The following SLC1A2 variants were observed in gnomAD, a reference collection of about 807,000 sequenced individuals.
SLC1A2 encodes the protein solute carrier family 1 member 2.
A neutral mutation model predicts 48.8 loss-of-function variants in SLC1A2; 15 were observed. That is an observed-to-expected ratio of 0.31 (90% CI 0.21 to 0.47). SLC1A2 has a LOEUF of 0.47. Among genes scored for constraint, SLC1A2 ranks in the 20% least tolerant of loss-of-function variants. SLC1A2 has a pLI of 0.99. For synonymous variants in SLC1A2, 279 were observed against 272.6 expected (o/e 1.02, Z -0.23); for missense variants, 502 against 730.5 (o/e 0.69, Z 3.61).
intron 1 of SLC1A2, among the ~76,000 whole-genome samples, chr11:35,374,897 G>A (rs141745230): frequency 1.6e-4 from 25 of 152,162 alleles, no homozygotes; most frequent in African/African-American, 5.8e-4. Flanking sequence ...TATATAAATC[G>A]TACATGTGTA....
In SLC1A2 at chr11:35,360,921, G is replaced by A. The variant is rs530616745; in HGVS notation, c.18-43405C>T. ...GAAAGAGTCTCATTCTGTTGCCCAC[G>A]CTGGAGTACAGTGGTGCAATCTCGG... On this transcript the variant is annotated intron_variant, in intron 1 of 10. Coordinates refer to ENST00000278379, the MANE Select transcript of SLC1A2 (RefSeq NM_004171.4). Among the ~76,000 whole-genome samples the A allele has an allele frequency of 6.6e-5, 10 of 151,422 alleles. 1 individual carries two copies. The South Asian group carries it at 1.3e-3, about 19-fold the overall frequency.
In SLC1A2 at chr11:35,418,931, C is replaced by A; in HGVS notation, c.17+19G>T. 1 of 1,558,864 alleles carries A rather than the reference C, an allele frequency of 6.4e-7. No individual in the cohort carries two copies. ...GCGTGACCCCGCTTTCCCGCGGGTA[C>A]AGATAAAAATCCCCTCACCCTTCCG... On this transcript the variant is annotated intron_variant, in intron 1 of 10. Transcript: ENST00000278379.
intron 1 of SLC1A2, among the ~76,000 whole-genome samples, chr11:35,366,103 T>C (rs1388944518): frequency 6.6e-6 from 1 of 152,236 alleles, no homozygotes; most frequent in African/African-American, 2.4e-5. Flanking sequence ...TTACATGTAC[T>C]GTGTCAACTA....
At chr11:35,269,968 G>T (rs549184977) in intron 9 of SLC1A2, among the ~76,000 whole-genome samples, 2 of 152,020 alleles carry the variant, frequency 1.3e-5, no homozygotes, top group Admixed American at 6.6e-5. Context: ...TTAGCCAGGC[G>T]TGGTGGTGCA....
intron 1 of SLC1A2, among the ~76,000 whole-genome samples, chr11:35,326,959 C>T (rs1408381543): frequency 2.0e-5 from 3 of 152,092 alleles, no homozygotes; most frequent in African/African-American, 7.2e-5. Flanking sequence ...TGGAGGAACC[C>T]CTTAATATAG....
At chr11:35,363,597 C>A (rs1853752415) in intron 1 of SLC1A2, among the ~76,000 whole-genome samples, 1 of 152,086 alleles carries the variant, frequency 6.6e-6, no homozygotes, top group African/African-American at 2.4e-5. Flanking sequence ...GGAACTAGCA[C>A]TTAGAGCACT....
chr11:35,412,603 C>T (rs1855493930), intron 1 of SLC1A2, among the ~76,000 whole-genome samples: 1 of 152,228 alleles, frequency 6.6e-6, no homozygotes, highest in Non-Finnish European at 1.5e-5. Context: ...ATCCTTAGCT[C>T]ATCACTGTTT....
intron 9 of SLC1A2, among the ~76,000 whole-genome samples, chr11:35,274,352 G>A (rs1850374187): frequency 6.6e-6 from 1 of 152,164 alleles, no homozygotes; most frequent in South Asian, 2.1e-4. Flanking sequence ...TGGTGAGAGA[G>A]GAAAGGACTT....
intron 1 of SLC1A2, among the ~76,000 whole-genome samples, chr11:35,373,030 C>G (rs1854108347): frequency 6.6e-6 from 1 of 152,242 alleles, no homozygotes; most frequent in African/African-American, 2.4e-5. Context: ...CTTCTGCCCA[C>G]TGCTCACAGC....
intron 1 of SLC1A2, among the ~76,000 whole-genome samples, chr11:35,390,486 C>T (rs1309433374): frequency 4.6e-5 from 7 of 152,128 alleles, no homozygotes; most frequent in Non-Finnish European, 1.0e-4. Context: ...TTACGTTTTA[C>T]TGACCACTCG....
chr11:35,398,865 C>A (rs1447290095), intron 1 of SLC1A2, among the ~76,000 whole-genome samples: 1 of 152,208 alleles, frequency 6.6e-6, no homozygotes, highest in South Asian at 2.1e-4. Context: ...CGCTGCCCAA[C>A]TGCGTCAGAG....
chr11:35,377,176 T>A (rs1305462917), intron 1 of SLC1A2, among the ~76,000 whole-genome samples: 2 of 152,160 alleles, frequency 1.3e-5, no homozygotes, highest in Non-Finnish European at 2.9e-5. Context: ...ATTATTCCCA[T>A]CTCACAGATC....
At chr11:35,341,522 T>C (rs1250154237) in intron 1 of SLC1A2, among the ~76,000 whole-genome samples, 1 of 152,140 alleles carries the variant, frequency 6.6e-6, no homozygotes, top group Non-Finnish European at 1.5e-5. Context: ...GTATAGAACA[T>C]CACAAGCAGC....
intron 9 of SLC1A2, among the ~76,000 whole-genome samples, chr11:35,270,162 T>C (rs891258192): frequency 4.6e-5 from 7 of 152,168 alleles, no homozygotes; most frequent in African/African-American, 1.7e-4. Flanking sequence ...TAAAAGCAGA[T>C]TGATGCTTTT....
intron 8 of SLC1A2, chr11:35,285,331 C>T (rs1850780880): frequency 6.6e-6 from 1 of 152,226 alleles, no homozygotes; most frequent in Non-Finnish European, 1.5e-5. Flanking sequence ...TATTCCTTCT[C>T]TTCAGGACTG....
chr11:35,277,540 T>C (rs1032287212), intron 9 of SLC1A2, among the ~76,000 whole-genome samples: 19 of 152,154 alleles, frequency 1.2e-4, no homozygotes, highest in African/African-American at 4.3e-4. Flanking sequence ...TGTATTATAA[T>C]GGGGGGCAGC....
At chr11:35,270,322 C>T (rs1179673084) in intron 9 of SLC1A2, among the ~76,000 whole-genome samples, 3 of 151,944 alleles carry the variant, frequency 2.0e-5, no homozygotes, top group Non-Finnish European at 4.4e-5. Flanking sequence ...TTGTACTAAG[C>T]GGAATAAGAG....
At chr11:35,318,919 C>T (rs925089581) in intron 1 of SLC1A2, among the ~76,000 whole-genome samples, 2 of 152,204 alleles carry the variant, frequency 1.3e-5, no homozygotes, top group Admixed American at 6.5e-5. Context: ...AATACAACTA[C>T]TTGCTTTTTC....
At chr11:35,309,724 G>A (rs866907733) in intron 4 of SLC1A2, among the ~76,000 whole-genome samples, 17 of 152,084 alleles carry the variant, frequency 1.1e-4, no homozygotes, top group Admixed American at 5.2e-4. Context: ...TGTCTCTCAC[G>A]CACCCTTTCT....
Sources: allele counts gnomAD v4.1 joint callset (sites outside exome capture counted in the v4.1 genomes callset), GRCh38; gene constraint gnomAD v4.1.1; transcripts MANE v1.5; gene names NCBI Gene and HGNC (gene_info 2026-07-23, HGNC 2026-07-21).